Variants in FLACC1 observed in about 807,000 individuals in gnomAD.
FLACC1 encodes the protein flagellum-associated coiled-coil domain-containing protein 1.
Under a neutral mutation model 62.8 loss-of-function variants are expected in FLACC1, and 66 were observed. That is an observed-to-expected ratio of 1.05 (90% CI 0.86 to 1.29). FLACC1 has a LOEUF of 1.29. Among genes scored for constraint, FLACC1 ranks in the 50% most tolerant of loss-of-function variants. FLACC1 has a pLI of 0.00. For missense variants in FLACC1, 452 were observed against 489.1 expected (o/e 0.92, Z 0.71); for synonymous variants, 156 against 161.0 (o/e 0.97, Z 0.24).
upstream of FLACC1, among the ~76,000 whole-genome samples, chr2:201,362,188 T>A (rs191282224): frequency 3.3e-4 from 50 of 152,260 alleles, no homozygotes; most frequent in African/African-American, 1.2e-3. Context: ...CTTAAACACA[T>A]CCACTAGTAG....
intron 12 of FLACC1, among the ~76,000 whole-genome samples, chr2:201,290,915 G>A (rs533896880): frequency 3.9e-5 from 6 of 152,292 alleles, no homozygotes; most frequent in South Asian, 2.1e-4. Context: ...CTACGCCCAC[G>A]GAGCCTTGCT....
At chr2:201,333,245 T>A (rs2125596886) in intron 7 of FLACC1, among the ~76,000 whole-genome samples, 1 of 152,296 alleles carries the variant, frequency 6.6e-6, no homozygotes, top group Admixed American at 6.5e-5. Flanking sequence ...TAATAGCTAT[T>A]CTGATCCATG....
rs1161849891 is a variant in FLACC1, at chr2:201,309,905, C to CAAAAAAA, written c.676-662_676-656dup. ...CTGGTGACAGAGTGAGACTCTGTCT[C>CAAAAAAA]AAAAAAAAAAAAAAAAAAAAAAGAA... On this transcript the variant is annotated intron_variant, in intron 9 of 14. Coordinates refer to ENST00000392257, the MANE Select transcript of FLACC1 (RefSeq NM_001127391.3). Among the ~76,000 whole-genome samples, 124 of 44,636 alleles carry CAAAAAAA rather than the reference C, an allele frequency of 2.8e-3. 2 individuals carry two copies. The highest frequency in any genetic ancestry group is 5.2e-3 in the African/African-American group (85 of 16,430). 29.3% of individuals were successfully genotyped at this position (44,636 alleles called of 152,430 possible). A position where few individuals can be genotyped will look rare whatever the true frequency, so the allele number is the denominator to read the frequency against.
chr2:201,308,325 C>G (rs1950147375), intron 10 of FLACC1, among the ~76,000 whole-genome samples: 1 of 152,138 alleles, frequency 6.6e-6, no homozygotes, highest in Admixed American at 6.6e-5. Context: ...TAGGTAAAGC[C>G]CCAGACAGGA....
chr2:201,306,499 T>A (rs1236521306), intron 11 of FLACC1, among the ~76,000 whole-genome samples: 20 of 152,148 alleles, frequency 1.3e-4, no homozygotes. Flanking sequence ...AAGACAAAAA[T>A]GACCCATGAC....
chr2:201,308,094 G>A (rs1305721632), intron 10 of FLACC1, among the ~76,000 whole-genome samples: 1 of 152,200 alleles, frequency 6.6e-6, no homozygotes, highest in Non-Finnish European at 1.5e-5. Context: ...GGAAGGAGGG[G>A]TGGAGGGAAA....
intron 9 of FLACC1, among the ~76,000 whole-genome samples, chr2:201,314,042 T>C (rs529183958): frequency 1.3e-5 from 2 of 152,240 alleles, no homozygotes; most frequent in East Asian, 1.9e-4. Flanking sequence ...GAACACGCCA[T>C]AGGACAAAAG....
Position 201,330,783 on chromosome 2 carries a change from T to C in FLACC1, c.575A>G (p.Tyr192Cys). 2.5e-6 allele frequency: 4 copies of C among 1,613,938 alleles called. No homozygotes were observed. The highest frequency in any genetic ancestry group is 1.3e-5 in the African/African-American group (1 of 75,028). The stretch of plus-strand genomic sequence containing the variant: ...CTTCTCTGCCTTCAAGGCTGCTTTG[T>C]AGTTGTTCTCCAACTCACTGAGTTC... Reference protein sequence around the residue: ...EAELSELENNYKAALKAEKLA... With the variant: ...EAELSELENNCKAALKAEKLA... The change falls in exon 8 of 15, where the codon TAC becomes TGC. Residue 192 changes from tyrosine to cysteine, a missense_variant. Coordinates refer to ENST00000392257, the MANE Select transcript of FLACC1 (RefSeq NM_001127391.3).
chr2:201,327,389 A>G (rs1362965547), intron 9 of FLACC1, among the ~76,000 whole-genome samples: 1 of 152,212 alleles, frequency 6.6e-6, no homozygotes, highest in East Asian at 1.9e-4. Context: ...ACAGAATGGG[A>G]GAAAATATTT....
chr2:201,340,572 T>C (rs1290130031), intron 7 of FLACC1, among the ~76,000 whole-genome samples: 2 of 152,250 alleles, frequency 1.3e-5, no homozygotes, highest in Non-Finnish European at 2.9e-5. Context: ...ATATGATTTA[T>C]CATTGAAAAT....
At chr2:201,312,393 T>C (rs1221689266) in intron 9 of FLACC1, among the ~76,000 whole-genome samples, 2 of 152,050 alleles carry the variant, frequency 1.3e-5, no homozygotes, top group African/African-American at 4.8e-5. Context: ...AGGAGAACTA[T>C]AAATTGCTGC....
Position 201,289,538 on chromosome 2 carries a change from A to C in FLACC1, c.1061T>G (p.Met354Arg). 6.2e-7 allele frequency: 1 copy of C among 1,614,154 alleles called. No homozygotes were observed. The highest frequency in any genetic ancestry group is 8.5e-7 in the Non-Finnish European group (1 of 1,180,026). Residue 354 changes from methionine to arginine, a missense_variant, in exon 14 of 15, where the codon ATG (methionine) becomes AGG (arginine). By Grantham distance (91) the Met-to-Arg change is moderately conservative. Coordinates refer to ENST00000392257, the MANE Select transcript of FLACC1 (RefSeq NM_001127391.3). ...EKAIVGNLEK[M>R]LQTKFAETEE... ...AGTTTCAGCAAACTTGGTTTGAAGC[A>C]TTTTCTCCAGATTTCCCACTATAGC...
chr2:201,355,006 A>T (rs992527187), intron 1 of FLACC1, among the ~76,000 whole-genome samples: 1 of 152,146 alleles, frequency 6.6e-6, no homozygotes, highest in Non-Finnish European at 1.5e-5. Flanking sequence ...AGAGAAAAAG[A>T]TGGTATGGTG....
At chr2:201,356,451 T>C (rs1951119308) in intron 1 of FLACC1, among the ~76,000 whole-genome samples, 2 of 152,244 alleles carry the variant, frequency 1.3e-5, no homozygotes, top group Non-Finnish European at 2.9e-5. Flanking sequence ...TGAGCTACCG[T>C]GCCCTGCCTA....
chr2:201,297,862 G>A (rs761121936), intron 12 of FLACC1, among the ~76,000 whole-genome samples: 90 of 152,062 alleles, frequency 5.9e-4, no homozygotes, highest in Non-Finnish European at 6.0e-4. Flanking sequence ...CCCTTAAATC[G>A]GGCACCTTCT....
At chr2:201,331,550 G>A (rs533379917) in intron 7 of FLACC1, among the ~76,000 whole-genome samples, 9 of 152,180 alleles carry the variant, frequency 5.9e-5, no homozygotes, top group Admixed American at 3.3e-4. Flanking sequence ...TATCAAGCAT[G>A]AAAAGACATG....
intron 7 of FLACC1, among the ~76,000 whole-genome samples, chr2:201,341,437 A>G (rs1220786290): frequency 6.7e-6 from 1 of 149,404 alleles, no homozygotes; most frequent in Non-Finnish European, 1.5e-5. Flanking sequence ...CATCTCTACT[A>G]TAGTAACCAT....
intron 6 of FLACC1, 97 bp downstream of exon 6, chr2:201,344,073 G>A: frequency 1.9e-6 from 2 of 1,047,014 alleles, no homozygotes; most frequent in East Asian, 4.8e-5. Flanking sequence ...TGGCTCATAT[G>A]AGTAAAGTGC....
At chr2:201,297,969 A>AC (rs1361213933) in intron 12 of FLACC1, among the ~76,000 whole-genome samples, 1 of 151,952 alleles carries the variant, frequency 6.6e-6, no homozygotes, top group African/African-American at 2.4e-5. Context: ...AACATCAAAG[A>AC]CCCCCAGGTA....
Sources: allele counts gnomAD v4.1 joint callset (sites outside exome capture counted in the v4.1 genomes callset), GRCh38; gene constraint gnomAD v4.1.1; transcripts MANE v1.5; gene names NCBI Gene and HGNC (gene_info 2026-07-23, HGNC 2026-07-21).